Variants in C12orf42 observed in about 807,000 individuals in gnomAD.
C12orf42 encodes chromosome 12 open reading frame 42.
A neutral mutation model predicts 21.6 loss-of-function variants in C12orf42; 25 were observed. The ratio of observed to expected loss-of-function variants is 1.16; its 90% CI spans 0.84 to 1.62. C12orf42 has a LOEUF of 1.62. Among genes scored for constraint, C12orf42 ranks in the 40% most tolerant of loss-of-function variants. The probability of loss-of-function intolerance (pLI) is 0.00; values close to 1 mark genes in which losing one functional copy is unlikely to be tolerated. For synonymous variants in C12orf42, 174 were observed against 175.0 expected (o/e 0.99, Z 0.05); for missense variants, 483 against 459.3 (o/e 1.05, Z -0.47).
intron 4 of C12orf42, among the ~76,000 whole-genome samples, chr12:103,347,263 T>C (rs2042708813): frequency 6.6e-6 from 1 of 151,668 alleles, no homozygotes; most frequent in South Asian, 2.1e-4. Flanking sequence ...GTCCATGTGT[T>C]CTCATTGTTC....
chr12:103,197,940 A>G, the C12orf42 span, among the ~76,000 whole-genome samples: 2 of 152,178 alleles, frequency 1.3e-5, no homozygotes, highest in Non-Finnish European at 2.9e-5. Flanking sequence ...TGTACTGAAG[A>G]GACCCAGGTG....
the C12orf42 span, among the ~76,000 whole-genome samples, chr12:103,209,736 C>T: frequency 6.6e-6 from 1 of 152,168 alleles, no homozygotes; most frequent in Non-Finnish European, 1.5e-5. Context: ...CCTTGATGAT[C>T]CCTCCGCCTT....
At chr12:103,220,476 C>A in the C12orf42 span, among the ~76,000 whole-genome samples, 1 of 152,094 alleles carries the variant, frequency 6.6e-6, no homozygotes, top group African/African-American at 2.4e-5. Flanking sequence ...AACTGACTTT[C>A]ATTTGTAGAC....
At chr12:103,357,039 C>T (rs992733223) in intron 4 of C12orf42, among the ~76,000 whole-genome samples, 2 of 150,444 alleles carry the variant, frequency 1.3e-5, no homozygotes, top group East Asian at 2.0e-4. Context: ...AGTAAACTAT[C>T]GCAAGGACAA....
At chr12:103,191,440 G>A in the C12orf42 span, among the ~76,000 whole-genome samples, 2 of 150,140 alleles carry the variant, frequency 1.3e-5, no homozygotes, top group African/African-American at 2.5e-5. Flanking sequence ...GGGTGCAGTG[G>A]CTCATGCCTG....
At chr12:103,162,078 T>C in the C12orf42 span, among the ~76,000 whole-genome samples, 35 of 152,198 alleles carry the variant, frequency 2.3e-4, no homozygotes, top group Non-Finnish European at 4.9e-4. Context: ...TAGGGTTTAT[T>C]GCTCTTCCCC....
At chr12:103,154,025 C>CAAAAAAAAAAAAAA in the C12orf42 span, among the ~76,000 whole-genome samples, 6 of 51,666 alleles carry the variant, frequency 1.2e-4, no homozygotes, top group East Asian at 1.1e-3. Flanking sequence ...CAAATCTCAG[C>CAAAAAAAAAAAAAA]AAAAAAAAAA....
chr12:103,280,224 A>AT (rs1259516193), intron 4 of C12orf42, among the ~76,000 whole-genome samples: 1 of 152,218 alleles, frequency 6.6e-6, no homozygotes, highest in African/African-American at 2.4e-5. Context: ...GCTGTGGGTC[A>AT]TATAGATTGT....
the C12orf42 span, among the ~76,000 whole-genome samples, chr12:103,170,541 G>A: frequency 1.1e-4 from 16 of 150,940 alleles, no homozygotes; most frequent in East Asian, 5.8e-4. Flanking sequence ...TCCTCTCCTC[G>A]TACACATACT....
At chr12:103,426,993 A>C in intron 2 of C12orf42, among the ~76,000 whole-genome samples, 1 of 152,216 alleles carries the variant, frequency 6.6e-6, no homozygotes, top group East Asian at 1.9e-4. Context: ...AGTACCAGCC[A>C]CTGCAAAAAC....
At position 103,485,022 on chromosome 12, in the gene C12orf42, A is replaced by T. The variant is rs369821244; in HGVS notation, c.-21-6575T>A. 7.9e-5 allele frequency among the ~76,000 whole-genome samples: 12 copies of T among 151,760 alleles called. No individual in the cohort carries two copies. The East Asian group carries it at 1.9e-3, about 24-fold the overall frequency. On this transcript the variant is annotated intron_variant, in intron 1 of 5. Transcript: ENST00000548883. The stretch of plus-strand genomic sequence containing the variant: ...GTACCTGGGACTACAAGTGCCCGCC[A>T]CCATGCAAGGCTAATTTTTTGTATT...
At chr12:103,116,476 T>C in the C12orf42 span, among the ~76,000 whole-genome samples, 2 of 151,478 alleles carry the variant, frequency 1.3e-5, no homozygotes, top group Non-Finnish European at 2.9e-5. Context: ...TCATAGAGAT[T>C]CCTGGCCAAT....
chr12:103,279,479 G>A (rs1194026619), intron 4 of C12orf42, among the ~76,000 whole-genome samples: 1 of 152,086 alleles, frequency 6.6e-6, no homozygotes, highest in Non-Finnish European at 1.5e-5. Context: ...AGAAATAAAA[G>A]CAAAAATATA....
At chr12:103,324,433 A>G (rs2040480959) in intron 4 of C12orf42, among the ~76,000 whole-genome samples, 1 of 152,176 alleles carries the variant, frequency 6.6e-6, no homozygotes, top group Non-Finnish European at 1.5e-5. Flanking sequence ...TAGACAAAGG[A>G]AGCATTCTTG....
the C12orf42 span, among the ~76,000 whole-genome samples, chr12:103,068,931 CCACATATATATATATATATA>C: frequency 2.1e-5 from 1 of 47,048 alleles, no homozygotes. Flanking sequence ...ATCTCTCTCT[CCACATATATATATATATATA>C]TATATATATA....
chr12:103,523,659 C>T, the C12orf42 span, among the ~76,000 whole-genome samples: 3 of 150,508 alleles, frequency 2.0e-5, no homozygotes, highest in East Asian at 2.0e-4. Flanking sequence ...TATAGACACT[C>T]GGTGTTTAGA....
chr12:103,253,769 G>T, intron 10 of C12orf42, among the ~76,000 whole-genome samples: 1 of 151,538 alleles, frequency 6.6e-6, no homozygotes, highest in East Asian at 1.9e-4. Context: ...CTTGCCCCAT[G>T]ATCTCAGCCC....
At chr12:103,352,262 T>C (rs1216185569) in intron 4 of C12orf42, among the ~76,000 whole-genome samples, 1 of 152,050 alleles carries the variant, frequency 6.6e-6, no homozygotes, top group African/African-American at 2.4e-5. Context: ...AGAGGCCAAG[T>C]AGGCTAAGAG....
chr12:103,160,488 A>G, the C12orf42 span, among the ~76,000 whole-genome samples: 1 of 152,056 alleles, frequency 6.6e-6, no homozygotes, highest in African/African-American at 2.4e-5. Context: ...CCCCAAGTAA[A>G]TTTTTCCCCC....
Sources: allele counts gnomAD v4.1 joint callset (sites outside exome capture counted in the v4.1 genomes callset), GRCh38; gene constraint gnomAD v4.1.1; transcripts MANE v1.5; gene names NCBI Gene and HGNC (gene_info 2026-07-23, HGNC 2026-07-21).